The following CNBD1 variants were observed in gnomAD, a reference collection of about 807,000 sequenced individuals.
CNBD1 encodes the protein cyclic nucleotide binding domain containing 1.
CNBD1 carries 71 observed loss-of-function variants against 54.4 expected under a neutral mutation model. That is an observed-to-expected ratio of 1.30 (90% CI 1.08 to 1.59). The LOEUF is 1.59. Among genes scored for constraint, CNBD1 ranks in the 40% most tolerant of loss-of-function variants. The pLI, the probability that CNBD1 is intolerant of heterozygous loss-of-function variation, is 0.00. For synonymous variants in CNBD1, 182 were observed against 170.7 expected (o/e 1.07, Z -0.51); for missense variants, 659 against 518.0 (o/e 1.27, Z -2.64).
At chr8:87,370,569 G>T (rs543251112) in intron 10 of CNBD1, among the ~76,000 whole-genome samples, 4 of 151,922 alleles carry the variant, frequency 2.6e-5, no homozygotes, top group African/African-American at 9.7e-5. Flanking sequence ...CTTTTTGATG[G>T]GGTTGTTTGT....
intron 4 of CNBD1, among the ~76,000 whole-genome samples, chr8:87,198,263 G>C (rs565303248): frequency 6.6e-6 from 1 of 152,228 alleles, no homozygotes; most frequent in East Asian, 1.9e-4. Context: ...AGCTGGTGAG[G>C]AACTCCTCAC....
intron 10 of CNBD1, among the ~76,000 whole-genome samples, chr8:87,374,837 T>A (rs1414196243): frequency 6.7e-6 from 1 of 150,010 alleles, no homozygotes; most frequent in Non-Finnish European, 1.5e-5. Context: ...TAGAAACATC[T>A]GTATTGGACT....
chr8:87,081,578 T>A (rs1425363984), intron 4 of CNBD1, among the ~76,000 whole-genome samples: 1 of 151,250 alleles, frequency 6.6e-6, no homozygotes, highest in Non-Finnish European at 1.5e-5. Context: ...CGACCTCGGC[T>A]CACTGCAAGC....
At chr8:87,296,732 A>T (rs1016127367) in intron 8 of CNBD1, among the ~76,000 whole-genome samples, 7 of 152,094 alleles carry the variant, frequency 4.6e-5, no homozygotes, top group Non-Finnish European at 7.4e-5. Context: ...AAAAAGAGAA[A>T]TAAGACTTTA....
chr8:87,121,848 C>A (rs1276418239), intron 4 of CNBD1, among the ~76,000 whole-genome samples: 1 of 151,426 alleles, frequency 6.6e-6, no homozygotes, highest in Non-Finnish European at 1.5e-5. Flanking sequence ...TAACAGGGGA[C>A]CCCCACCCTT....
intron 8 of CNBD1, among the ~76,000 whole-genome samples, chr8:87,338,121 A>G (rs1231217694): frequency 6.6e-6 from 1 of 152,180 alleles, no homozygotes; most frequent in African/African-American, 2.4e-5. Context: ...ATCTGATTCT[A>G]ATTTCAAATA....
intron 4 of CNBD1, among the ~76,000 whole-genome samples, chr8:86,942,206 T>G (rs1807338123): frequency 6.6e-6 from 1 of 152,234 alleles, no homozygotes; most frequent in Admixed American, 6.5e-5. Context: ...ATGTATGCAC[T>G]AAATCCACAA....
At chr8:87,308,853 G>T (rs984793581) in intron 8 of CNBD1, among the ~76,000 whole-genome samples, 1 of 152,010 alleles carries the variant, frequency 6.6e-6, no homozygotes, top group South Asian at 2.1e-4. Flanking sequence ...ATGTCTTTAT[G>T]TGCCTGTCTT....
At chr8:87,055,044 G>A (rs577755844) in intron 4 of CNBD1, among the ~76,000 whole-genome samples, 4 of 152,244 alleles carry the variant, frequency 2.6e-5, no homozygotes, top group East Asian at 3.9e-4. Flanking sequence ...TCACTCTTTC[G>A]ATGGATCCCA....
At chr8:87,350,841 G>T (rs892542464) in intron 8 of CNBD1, among the ~76,000 whole-genome samples, 4 of 151,964 alleles carry the variant, frequency 2.6e-5, no homozygotes, top group Non-Finnish European at 5.9e-5. Flanking sequence ...TTTAAATCAT[G>T]ATGATAATTT....
intron 1 of CNBD1, among the ~76,000 whole-genome samples, chr8:86,871,306 ATTAG>A (rs2131766074): frequency 6.6e-6 from 1 of 152,330 alleles, no homozygotes; most frequent in Admixed American, 6.5e-5. Context: ...TAGTCCTGTT[ATTAG>A]TTCCATGTTA....
At chr8:87,011,309 G>A (rs1300899501) in intron 4 of CNBD1, among the ~76,000 whole-genome samples, 3 of 151,450 alleles carry the variant, frequency 2.0e-5, no homozygotes, top group Non-Finnish European at 4.4e-5. Context: ...CTCCACCCTC[G>A]TGTAGCTTAT....
At chr8:86,902,984 C>T (rs1017441732) in intron 2 of CNBD1, among the ~76,000 whole-genome samples, 1 of 151,884 alleles carries the variant, frequency 6.6e-6, no homozygotes, top group Non-Finnish European at 1.5e-5. Flanking sequence ...TCAATGAGAC[C>T]CTCAGAAGTA....
intron 2 of CNBD1, among the ~76,000 whole-genome samples, chr8:87,424,922 A>T (rs1808018138): frequency 6.6e-6 from 1 of 152,238 alleles, no homozygotes; most frequent in Non-Finnish European, 1.5e-5. Context: ...GTGTTTTCCA[A>T]CTTGGTTCCA....
chr8:87,044,970 G>T (rs1810150819), intron 4 of CNBD1, among the ~76,000 whole-genome samples: 1 of 152,130 alleles, frequency 6.6e-6, no homozygotes, highest in African/African-American at 2.4e-5. Flanking sequence ...CTGCCTAACT[G>T]ATTTTTCCTT....
intron 8 of CNBD1, among the ~76,000 whole-genome samples, chr8:87,332,111 T>A (rs746756985): frequency 6.6e-6 from 1 of 152,102 alleles, no homozygotes; most frequent in Non-Finnish European, 1.5e-5. Context: ...ACTTTGGAAG[T>A]CTGAGGCAGG....
At chr8:86,916,469 T>C (rs1036373881) in intron 3 of CNBD1, among the ~76,000 whole-genome samples, 3 of 152,064 alleles carry the variant, frequency 2.0e-5, no homozygotes, top group African/African-American at 7.2e-5. Flanking sequence ...GCACAGTGTG[T>C]TTACTAGAGT....
intron 6 of CNBD1, among the ~76,000 whole-genome samples, chr8:87,255,983 A>G (rs62528083): frequency 0.094 from 974 of 10,408 alleles, 16 homozygotes; most frequent in Non-Finnish European, 0.12. Flanking sequence ...ATATATATAT[A>G]TATATATATA....
intron 4 of CNBD1, among the ~76,000 whole-genome samples, chr8:87,190,543 C>G (rs543361317): frequency 6.6e-6 from 1 of 152,166 alleles, no homozygotes; most frequent in East Asian, 1.9e-4. Context: ...TATTTTTAAT[C>G]CAGCTTCATT....
Sources: allele counts gnomAD v4.1 joint callset (sites outside exome capture counted in the v4.1 genomes callset), GRCh38; gene constraint gnomAD v4.1.1; transcripts MANE v1.5; gene names NCBI Gene and HGNC (gene_info 2026-07-23, HGNC 2026-07-21).